The following PIBF1 variants were observed in gnomAD, a reference collection of about 807,000 sequenced individuals.
The protein encoded by PIBF1 is progesterone-induced-blocking factor 1.
In PIBF1, 90 loss-of-function variants were observed where a neutral mutation model predicts 112.5. The ratio of observed to expected loss-of-function variants is 0.80; its 90% CI spans 0.67 to 0.95. The LOEUF is 0.95. Among genes scored for constraint, PIBF1 ranks in the 40% least tolerant of loss-of-function variants. The pLI is 0.00. For synonymous variants in PIBF1, 301 were observed against 288.6 expected (o/e 1.04, Z -0.44); for missense variants, 915 against 852.3 (o/e 1.07, Z -0.92).
rs117032758 is a variant in PIBF1, at chr13:72,897,629, A to G, written c.1488+3680A>G. 8.5e-3 allele frequency among the ~76,000 whole-genome samples: 1,294 copies of G among 152,336 alleles called. 65 individuals carry two copies. The highest frequency in any genetic ancestry group is 9.1e-3 in the East Asian group (47 of 5,180). On this transcript the variant is annotated intron_variant, in intron 11 of 17. Transcript: ENST00000326291. ...TTAAAGGGGTGGAAAAAGGCATTTC[A>G]TGCAATGAACACCAAAAGCGAGCAG... is the stretch of plus-strand genomic sequence containing the variant.
At chr13:73,003,065 G>T (rs1348920137) in intron 17 of PIBF1, among the ~76,000 whole-genome samples, 1 of 149,176 alleles carries the variant, frequency 6.7e-6, no homozygotes, top group Non-Finnish European at 1.5e-5. Context: ...AGTGTATAGT[G>T]TGTGAAGTGT....
chr13:72,903,372 G>A (rs2040574322), intron 11 of PIBF1, among the ~76,000 whole-genome samples: 1 of 152,192 alleles, frequency 6.6e-6, no homozygotes, highest in Non-Finnish European at 1.5e-5. Flanking sequence ...GTAACTGAGT[G>A]TCTATTAGGC....
chr13:72,889,578 T>C (rs2039980592), intron 10 of PIBF1, among the ~76,000 whole-genome samples: 1 of 152,166 alleles, frequency 6.6e-6, no homozygotes, highest in South Asian at 2.1e-4. Context: ...TAAAAATCCT[T>C]CCCTGAACCC....
chr13:72,917,517 A>C (rs907312861), intron 13 of PIBF1, among the ~76,000 whole-genome samples: 1 of 152,044 alleles, frequency 6.6e-6, no homozygotes, highest in African/African-American at 2.4e-5. Flanking sequence ...TTTTTATTCA[A>C]CTGCCTACAT....
At chr13:72,826,943 C>T (rs1593989208) in intron 6 of PIBF1, 67 bp from the exon 7 acceptor site, 1 of 864,708 alleles carries the variant, frequency 1.2e-6, no homozygotes, top group African/African-American at 1.7e-5. Context: ...ATAGTCAACC[C>T]TTTTAAAGTG....
chr13:73,001,679 A>C (rs2139035673), intron 17 of PIBF1, among the ~76,000 whole-genome samples: 1 of 138,428 alleles, frequency 7.2e-6, no homozygotes, highest in South Asian at 2.4e-4. Context: ...GCTGGAGTGC[A>C]GTGGCGTGAT....
chr13:72,870,699 G>A (rs1019509319), intron 10 of PIBF1, among the ~76,000 whole-genome samples: 1 of 151,860 alleles, frequency 6.6e-6, no homozygotes, highest in Non-Finnish European at 1.5e-5. Context: ...TATCTGTTTT[G>A]GAAATGGCCT....
chr13:72,841,378 A>AT (rs1175831178), intron 9 of PIBF1, among the ~76,000 whole-genome samples: 1 of 152,168 alleles, frequency 6.6e-6, no homozygotes, highest in African/African-American at 2.4e-5. Flanking sequence ...TATGAAAGAG[A>AT]TTTGGATCAA....
At chr13:73,012,403 A>G (rs1349746012) in intron 17 of PIBF1, among the ~76,000 whole-genome samples, 1 of 152,008 alleles carries the variant, frequency 6.6e-6, no homozygotes, top group Non-Finnish European at 1.5e-5. Context: ...AGTACAGTGG[A>G]CATTGCTGAA....
At chr13:72,847,909 G>C (rs180933044) in intron 9 of PIBF1, among the ~76,000 whole-genome samples, 48 of 152,312 alleles carry the variant, frequency 3.2e-4, no homozygotes, top group Admixed American at 1.7e-3. Flanking sequence ...CCAGGAAGAC[G>C]CTGGAGGTAG....
At chr13:72,848,449 C>T (rs971036922) in intron 9 of PIBF1, among the ~76,000 whole-genome samples, 1 of 152,154 alleles carries the variant, frequency 6.6e-6, no homozygotes, top group Admixed American at 6.5e-5. Context: ...GAATAAACTT[C>T]TGTGTATTAA....
chr13:72,949,749 G>A (rs958545070), intron 14 of PIBF1, among the ~76,000 whole-genome samples: 10 of 152,254 alleles, frequency 6.6e-5, no homozygotes, highest in African/African-American at 2.4e-4. Context: ...ACTATGTACA[G>A]TACATTCTAT....
chr13:72,927,757 T>C (rs1337376141), intron 13 of PIBF1, among the ~76,000 whole-genome samples: 1 of 151,100 alleles, frequency 6.6e-6, no homozygotes, highest in South Asian at 2.1e-4. Flanking sequence ...TTTCTTTTCA[T>C]TAAATCTTAA....
At chr13:72,892,709 C>T (rs943631137) in intron 10 of PIBF1, among the ~76,000 whole-genome samples, 1 of 151,788 alleles carries the variant, frequency 6.6e-6, no homozygotes, top group Non-Finnish European at 1.5e-5. Flanking sequence ...AGACTATGCT[C>T]TCTGCTTCAC....
intron 5 of PIBF1, among the ~76,000 whole-genome samples, chr13:72,816,807 C>T (rs959834179): frequency 6.6e-6 from 1 of 151,242 alleles, no homozygotes; most frequent in African/African-American, 2.4e-5. Flanking sequence ...TAATGCATAG[C>T]AGACTTTACC....
At chr13:72,932,636 G>A (rs2138775786) in intron 14 of PIBF1, among the ~76,000 whole-genome samples, 1 of 152,228 alleles carries the variant, frequency 6.6e-6, no homozygotes, top group Middle Eastern at 3.4e-3. Context: ...TGAAGATGGA[G>A]TAAAGATTGT....
intron 16 of PIBF1, among the ~76,000 whole-genome samples, chr13:72,977,589 T>C (rs1468969726): frequency 1.3e-5 from 2 of 152,162 alleles, no homozygotes; most frequent in African/African-American, 2.4e-5. Context: ...GATCACCAGT[T>C]CATTTACATA....
intron 16 of PIBF1, among the ~76,000 whole-genome samples, chr13:72,980,049 G>C (rs1030522242): frequency 9.9e-5 from 15 of 152,162 alleles, no homozygotes; most frequent in Non-Finnish European, 1.9e-4. Flanking sequence ...GTCTTTAGTG[G>C]TGCTACAAAG....
At chr13:72,792,291 C>T (rs142697228) in intron 2 of PIBF1, among the ~76,000 whole-genome samples, 156 bp from the exon 3 acceptor site, 2 of 152,284 alleles carry the variant, frequency 1.3e-5, no homozygotes, top group Admixed American at 1.3e-4. Flanking sequence ...ACTTGGCCTT[C>T]CAAAGTGCTG....
Sources: allele counts gnomAD v4.1 joint callset (sites outside exome capture counted in the v4.1 genomes callset), GRCh38; gene constraint gnomAD v4.1.1; transcripts MANE v1.5; gene names NCBI Gene and HGNC (gene_info 2026-07-23, HGNC 2026-07-21).